RNF180: variants seen among roughly 807,000 people sequenced by gnomAD.
RNF180 encodes E3 ubiquitin-protein ligase RNF180.
Under a neutral mutation model 59.2 loss-of-function variants are expected in RNF180, and 38 were observed. The observed-to-expected ratio is 0.64, with a 90% CI of 0.50 to 0.84. The LOEUF is 0.84. Among genes scored for constraint, RNF180 ranks in the 40% least tolerant of loss-of-function variants. RNF180 has a pLI of 0.00. For missense variants in RNF180, 705 were observed against 700.9 expected, an observed-to-expected ratio of 1.01 and a Z score of -0.07; for synonymous variants, 262 against 240.3, an observed-to-expected ratio of 1.09 and a Z score of -0.84.
At position 64,218,026 on chromosome 5, in the gene RNF180, T is replaced by C. The variant is rs563560156; in HGVS notation, c.1227+630T>C. Among the ~76,000 whole-genome samples, 32 of 152,318 alleles carry C rather than the reference T, an allele frequency of 2.1e-4. 1 individual carries two copies. In the South Asian group the frequency reaches 6.4e-3, roughly 31 times the overall value. On this transcript the variant is annotated intron_variant, in intron 5 of 7. Coordinates refer to ENST00000389100, the MANE Select transcript of RNF180 (RefSeq NM_001113561.2). The stretch of plus-strand genomic sequence containing the variant: ...CTTTATATATTTGGGATACAAGTGT[T>C]TCATTTGATATGTGATTTGTAAATA...
chr5:64,332,323 C>A (rs577542468), intron 7 of RNF180, among the ~76,000 whole-genome samples: 51 of 152,170 alleles, frequency 3.4e-4, no homozygotes, highest in Non-Finnish European at 6.3e-4. Context: ...TTAGCAGAAG[C>A]TCTATTTATT....
chr5:64,283,682 C>A (rs553172090), intron 5 of RNF180, among the ~76,000 whole-genome samples: 1 of 152,210 alleles, frequency 6.6e-6, no homozygotes, highest in East Asian at 1.9e-4. Context: ...TCCTTCCTAC[C>A]ACCTTGTGAT....
At chr5:64,357,565 C>CA (rs1475091081) in intron 7 of RNF180, among the ~76,000 whole-genome samples, 1 of 151,774 alleles carries the variant, frequency 6.6e-6, no homozygotes, top group African/African-American at 2.4e-5. Context: ...AGGACAGTCT[C>CA]AAAAATATGC....
chr5:64,217,238 C>T, intron 4 of RNF180, 123 bp from the exon 5 acceptor site: 1 of 1,137,386 alleles, frequency 8.8e-7, no homozygotes, highest in Non-Finnish European at 1.1e-6. Flanking sequence ...GAATGATCCA[C>T]AGTTTATCCA....
chr5:64,230,206 C>T (rs1036478636), intron 5 of RNF180, among the ~76,000 whole-genome samples: 2 of 152,152 alleles, frequency 1.3e-5, no homozygotes, highest in Non-Finnish European at 1.5e-5. Context: ...GGTACTAGCA[C>T]TCTCTGTGTA....
intron 5 of RNF180, among the ~76,000 whole-genome samples, chr5:64,322,318 C>A (rs1744397234): frequency 6.6e-6 from 1 of 151,854 alleles, no homozygotes; most frequent in Non-Finnish European, 1.5e-5. Flanking sequence ...AAAAAAACAA[C>A]CCCATCAAAA....
intron 5 of RNF180, among the ~76,000 whole-genome samples, chr5:64,220,613 C>A (rs1741271936): frequency 6.6e-6 from 1 of 151,944 alleles, no homozygotes; most frequent in Non-Finnish European, 1.5e-5. Flanking sequence ...CTAAAGCTAC[C>A]ATTAGTATAG....
At chr5:64,363,761 T>C (rs1181064127) in intron 7 of RNF180, among the ~76,000 whole-genome samples, 6 of 151,948 alleles carry the variant, frequency 3.9e-5, no homozygotes, top group African/African-American at 1.2e-4. Context: ...CCTGATTTCT[T>C]TGAGCAGTGG....
chr5:64,358,476 A>G (rs566148923), intron 7 of RNF180, among the ~76,000 whole-genome samples: 1 of 151,806 alleles, frequency 6.6e-6, no homozygotes, highest in Non-Finnish European at 1.5e-5. Flanking sequence ...GTAATGGATA[A>G]TCTTTTATAA....
chr5:64,167,456 T>C (rs1363585419), intron 1 of RNF180, among the ~76,000 whole-genome samples: 1 of 152,102 alleles, frequency 6.6e-6, no homozygotes, highest in Admixed American at 6.5e-5. Context: ...AAAGTGAAGA[T>C]TTTTTCTTCG....
chr5:64,190,271 C>G (rs574969907), intron 1 of RNF180, among the ~76,000 whole-genome samples: 2 of 152,310 alleles, frequency 1.3e-5, no homozygotes, highest in Non-Finnish European at 1.5e-5. Context: ...AACCTGTCAT[C>G]CCTTTCTTTG....
chr5:64,296,506 C>G (rs572639668), intron 5 of RNF180, among the ~76,000 whole-genome samples: 4 of 152,162 alleles, frequency 2.6e-5, no homozygotes. Flanking sequence ...AGCATGTGGA[C>G]TCTCTGAAGT....
At chr5:64,230,471 C>T (rs1486167697) in intron 5 of RNF180, among the ~76,000 whole-genome samples, 1 of 152,228 alleles carries the variant, frequency 6.6e-6, no homozygotes, top group Non-Finnish European at 1.5e-5. Context: ...CCAGCAGTAG[C>T]TGGTTGCATC....
intron 7 of RNF180, among the ~76,000 whole-genome samples, chr5:64,358,106 A>G (rs1478056042): frequency 6.6e-6 from 1 of 151,866 alleles, no homozygotes; most frequent in African/African-American, 2.4e-5. Context: ...GTAAGAATTC[A>G]TAGTGAGATT....
At chr5:64,174,965 T>TTA (rs1750148932) in intron 1 of RNF180, among the ~76,000 whole-genome samples, 2 of 106,720 alleles carry the variant, frequency 1.9e-5, no homozygotes, top group South Asian at 7.0e-4. Context: ...AGTTCTTTTT[T>TTA]TTTTTTTTTT....
chr5:64,360,996 C>T (rs746606864), intron 7 of RNF180, among the ~76,000 whole-genome samples: 5 of 151,640 alleles, frequency 3.3e-5, no homozygotes, highest in Non-Finnish European at 7.4e-5. Context: ...TGGAGACACT[C>T]TGTCTTCCGA....
At chr5:64,166,914 T>C (rs1749671382) in intron 1 of RNF180, among the ~76,000 whole-genome samples, 1 of 152,238 alleles carries the variant, frequency 6.6e-6, no homozygotes, top group African/African-American at 2.4e-5. Context: ...ATTGTATTTT[T>C]ATATACTCAT....
At chr5:64,264,076 G>C (rs1284750213) in intron 5 of RNF180, among the ~76,000 whole-genome samples, 1 of 152,120 alleles carries the variant, frequency 6.6e-6, no homozygotes, top group Non-Finnish European at 1.5e-5. Context: ...AAGCAGGTAT[G>C]TTGTGCTTTG....
At chr5:64,308,582 G>A (rs1161313495) in intron 5 of RNF180, among the ~76,000 whole-genome samples, 1 of 151,722 alleles carries the variant, frequency 6.6e-6, no homozygotes, top group Non-Finnish European at 1.5e-5. Context: ...TGTTTCTGAG[G>A]AGTAAGTTTT....
Sources: allele counts gnomAD v4.1 joint callset (sites outside exome capture counted in the v4.1 genomes callset), GRCh38; gene constraint gnomAD v4.1.1; transcripts MANE v1.5; gene names NCBI Gene and HGNC (gene_info 2026-07-23, HGNC 2026-07-21).